Variants in ERCC8 observed in about 807,000 individuals in gnomAD.
ERCC8 encodes ERCC excision repair 8, CSA ubiquitin ligase complex subunit, also known as DNA excision repair protein ERCC-8.
A neutral mutation model predicts 54.9 loss-of-function variants in ERCC8; 52 were observed. The observed-to-expected ratio is 0.95, with a 90% CI of 0.76 to 1.19. The LOEUF is 1.19. Among genes scored for constraint, ERCC8 ranks in the 50% most tolerant of loss-of-function variants. The probability of loss-of-function intolerance (pLI) is 0.00; values close to 1 mark genes in which losing one functional copy is unlikely to be tolerated. For missense variants in ERCC8, 514 were observed against 466.1 expected (o/e 1.10, Z -0.95); for synonymous variants, 146 against 157.2 (o/e 0.93, Z 0.53).
intron 5 of ERCC8, among the ~76,000 whole-genome samples, 164 bp downstream of exon 5, chr5:60,904,628 G>GTATATATA (rs1362263921): frequency 2.2e-4 from 15 of 67,788 alleles, no homozygotes; most frequent in Admixed American, 5.2e-4. Context: ...TATAGTGTGT[G>GTATATATA]TGTGTGTATA....
intron 1 of ERCC8, among the ~76,000 whole-genome samples, chr5:60,934,862 T>C (rs1305527453): frequency 2.0e-5 from 3 of 152,236 alleles, no homozygotes; most frequent in African/African-American, 7.2e-5. Context: ...TTGCTGAAGA[T>C]CAGCTAGCTG....
In ERCC8 at chr5:60,870,278, AC is replaced by A. The variant is rs1336912550; in HGVS notation, c.*4336del. On this transcript the variant is annotated 3_prime_UTR_variant, in exon 12 of 12. Transcript: ENST00000676185. ...ATTAAGCACCTACTACATGCCAACT[AC>A]AGTTCTAAGAATTGAAACAAAACAA... is the stretch of plus-strand genomic sequence containing the variant. 3.3e-5 allele frequency among the ~76,000 whole-genome samples: 5 copies of A among 152,014 alleles called. No homozygotes were observed. Among genetic ancestry groups the A allele is most frequent in the Non-Finnish European group, 5.9e-5 (4 of 68,000 alleles).
At chr5:60,941,836 G>A (rs559710537) in intron 1 of ERCC8, among the ~76,000 whole-genome samples, 1 of 152,258 alleles carries the variant, frequency 6.6e-6, no homozygotes, top group Non-Finnish European at 1.5e-5. Flanking sequence ...TAAAGAGACA[G>A]CAACAGAAAT....
At chr5:60,918,855 G>A (rs1249821634) in intron 3 of ERCC8, among the ~76,000 whole-genome samples, 1 of 151,978 alleles carries the variant, frequency 6.6e-6, no homozygotes, top group Non-Finnish European at 1.5e-5. Flanking sequence ...CTTATTCTAT[G>A]ACCAAAGAAT....
intron 7 of ERCC8, among the ~76,000 whole-genome samples, chr5:60,901,692 C>T (rs4647109): frequency 0.018 from 2,691 of 152,162 alleles, 49 homozygotes; most frequent in Non-Finnish European, 0.025. Context: ...CCTCCACCCT[C>T]ATCTGGATCC....
chr5:60,899,506 CT>C, intron 8 of ERCC8, 120 bp downstream of exon 8: 1 of 717,940 alleles, frequency 1.4e-6, no homozygotes, highest in East Asian at 2.6e-5. Context: ...CGATGAATGC[CT>C]TTTGAAAAAT....
Position 60,867,935 on chromosome 5 carries a change from C to T in ERCC8, c.*6680G>A, listed in dbSNP as rs1054147163. 6.6e-6 allele frequency among the ~76,000 whole-genome samples: 1 copy of T among 152,208 alleles called. No homozygotes were observed. Among genetic ancestry groups the T allele is most frequent in the Non-Finnish European group, 1.5e-5 (1 of 68,042 alleles). On this transcript the variant is annotated 3_prime_UTR_variant, in exon 12 of 12. Coordinates refer to ENST00000676185, the MANE Select transcript of ERCC8 (RefSeq NM_000082.4). ...GTGGCTCATGCCTGTAATCCCTGCA[C>T]TTTGGGAGGTCAAGGCGGGCAGATC...
chr5:60,929,049 T>C, intron 1 of ERCC8, 90 bp from the exon 2 acceptor site: 2 of 768,472 alleles, frequency 2.6e-6, no homozygotes, highest in Admixed American at 3.9e-5. Context: ...GGTACAAAAA[T>C]CACAAGAAAT....
At chr5:60,899,817 G>T in intron 7 of ERCC8, 90 bp from the exon 8 acceptor site, 1 of 940,158 alleles carries the variant, frequency 1.1e-6, no homozygotes, top group Non-Finnish European at 1.7e-6. Context: ...GCACACAGAG[G>T]TCTCGTTATA....
At position 60,869,321 on chromosome 5, in the gene ERCC8, A is replaced by C. The variant is rs1337865168; in HGVS notation, c.*5294T>G. On this transcript the variant is annotated 3_prime_UTR_variant, in exon 12 of 12. Transcript: ENST00000676185. ...TGAAATAGTGATTTTGCTTTGAAAA[A>C]TAATTGAGATTAGTTTGCTGATGCA... is the stretch of plus-strand genomic sequence containing the variant. 6.6e-6 allele frequency among the ~76,000 whole-genome samples: 1 copy of C among 152,158 alleles called. No individual in the cohort carries two copies. Among genetic ancestry groups the C allele is most frequent in the East Asian group, 1.9e-4 (1 of 5,200 alleles).
Position 60,873,940 on chromosome 5 carries a change from G to C in ERCC8, c.*675C>G, listed in dbSNP as rs1747922413. On this transcript the variant is annotated 3_prime_UTR_variant, in exon 12 of 12. Transcript: ENST00000676185. Reference sequence around the variant, plus strand: ...AGGCAGGATTTGGTCATACCTTAATGAGTTTCACAGAAAAAGAGTTCAAGC... The same window carrying C: ...AGGCAGGATTTGGTCATACCTTAATCAGTTTCACAGAAAAAGAGTTCAAGC... 1 of 152,062 alleles carries C rather than the reference G, an allele frequency of 6.6e-6. No homozygotes were observed. Among genetic ancestry groups the C allele is most frequent in the Admixed American group, 6.6e-5 (1 of 15,262 alleles). The allele number at this position is 152,062 out of a possible 1,614,324, so 9.4% of individuals were successfully genotyped here.
At chr5:60,900,380 A>C (rs1205122528) in intron 7 of ERCC8, among the ~76,000 whole-genome samples, 1 of 152,020 alleles carries the variant, frequency 6.6e-6, no homozygotes, top group Non-Finnish European at 1.5e-5. Context: ...GATTATTTCT[A>C]AAGAAAAATG....
chr5:60,909,071 G>A (rs577883421), intron 4 of ERCC8, among the ~76,000 whole-genome samples: 2 of 151,914 alleles, frequency 1.3e-5, no homozygotes, highest in South Asian at 4.2e-4. Context: ...GATAAAGATG[G>A]TTTGATAATT....
chr5:60,901,310 A>G (rs1748897905), intron 7 of ERCC8, among the ~76,000 whole-genome samples: 1 of 151,880 alleles, frequency 6.6e-6, no homozygotes, highest in African/African-American at 2.4e-5. Context: ...GCACCTAGGT[A>G]CTTTCCTGTA....
At chr5:60,906,719 ACT>A (rs1402521200) in intron 4 of ERCC8, among the ~76,000 whole-genome samples, 2 of 147,918 alleles carry the variant, frequency 1.4e-5, no homozygotes, top group African/African-American at 2.5e-5. Context: ...ACGGAGCAAA[ACT>A]CTGTCTCAAA....
intron 1 of ERCC8, among the ~76,000 whole-genome samples, chr5:60,938,028 CAT>C: frequency 1.4e-5 from 1 of 69,514 alleles, no homozygotes; most frequent in Non-Finnish European, 2.5e-5. Flanking sequence ...TGTGTGTATA[CAT>C]ACATACATAC....
intron 11 of ERCC8, among the ~76,000 whole-genome samples, chr5:60,877,392 T>A (rs1486374334): frequency 6.6e-6 from 1 of 150,600 alleles, no homozygotes; most frequent in Non-Finnish European, 1.5e-5. Context: ...TGAACTTTAG[T>A]TTTTTCCAAT....
chr5:60,910,591 T>C (rs1461976891), intron 4 of ERCC8, among the ~76,000 whole-genome samples: 2 of 152,172 alleles, frequency 1.3e-5, no homozygotes, highest in African/African-American at 2.4e-5. Flanking sequence ...CGGAATAGTC[T>C]TGTATATTTT....
At chr5:60,889,302 A>G (rs1748480838) in intron 10 of ERCC8, among the ~76,000 whole-genome samples, 1 of 152,194 alleles carries the variant, frequency 6.6e-6, no homozygotes, top group Non-Finnish European at 1.5e-5. Context: ...TTTTCAATTT[A>G]TTAATTTACT....
Sources: allele counts gnomAD v4.1 joint callset (sites outside exome capture counted in the v4.1 genomes callset), GRCh38; gene constraint gnomAD v4.1.1; transcripts MANE v1.5; gene names NCBI Gene and HGNC (gene_info 2026-07-23, HGNC 2026-07-21).